The following ATF2 variants were observed in gnomAD, a reference collection of about 807,000 sequenced individuals.
ATF2 encodes the protein cyclic AMP-dependent transcription factor ATF-2.
Under a neutral mutation model 60.6 loss-of-function variants are expected in ATF2, and 24 were observed. That is an observed-to-expected ratio of 0.40 (90% confidence interval 0.29 to 0.56). ATF2 has a LOEUF of 0.56. ATF2 is among the 20% of genes least tolerant of loss of function. ATF2 has a pLI of 0.54. For missense variants in ATF2, 433 were observed against 607.7 expected (o/e 0.71, Z 3.02); for synonymous variants, 206 against 215.4 (o/e 0.96, Z 0.38).
intron 12 of ATF2, among the ~76,000 whole-genome samples, chr2:175,090,902 G>A (rs956603935): frequency 9.2e-5 from 14 of 152,186 alleles, no homozygotes; most frequent in Middle Eastern, 3.4e-3. Flanking sequence ...GAAATAAATG[G>A]AGTCAAGATT....
At chr2:175,120,316 A>G (rs1696866457) in intron 5 of ATF2, among the ~76,000 whole-genome samples, 1 of 151,222 alleles carries the variant, frequency 6.6e-6, no homozygotes, top group South Asian at 2.1e-4. Context: ...AAAAAGCATT[A>G]TCTCACTCTT....
At chr2:175,084,540 T>C (rs1426629356) in intron 12 of ATF2, among the ~76,000 whole-genome samples, 1 of 147,516 alleles carries the variant, frequency 6.8e-6, no homozygotes, top group Non-Finnish European at 1.5e-5. Context: ...ATATACCTAA[T>C]GCTAAATGAC....
intron 1 of ATF2, among the ~76,000 whole-genome samples, chr2:175,157,897 G>A (rs891957813): frequency 2.6e-5 from 4 of 151,962 alleles, no homozygotes; most frequent in Non-Finnish European, 4.4e-5. Flanking sequence ...GAAGGCTAAC[G>A]CAGAGAACTG....
At position 175,097,612 on chromosome 2, in the gene ATF2, T is replaced by TA. The variant is rs760362627; in HGVS notation, c.829-20dup. 1 of 1,611,502 alleles carries TA rather than the reference T, an allele frequency of 6.2e-7. No individual in the cohort carries two copies. The highest frequency in any genetic ancestry group is 1.3e-5 in the African/African-American group (1 of 74,826). On this transcript the variant is annotated intron_variant, in intron 10 of 13. Coordinates refer to ENST00000264110, the MANE Select transcript of ATF2 (RefSeq NM_001880.4). ...TTAATCTCTGCAATGCAAACACCAT[T>TA]AAAAATTTTTTTTAAGTCCTTAAAG...
At chr2:175,165,043 G>T (rs1414886940) in intron 1 of ATF2, among the ~76,000 whole-genome samples, 1 of 152,048 alleles carries the variant, frequency 6.6e-6, no homozygotes, top group Non-Finnish European at 1.5e-5. Flanking sequence ...GGCTGGTCTT[G>T]AACTCCTGAC....
intron 4 of ATF2, among the ~76,000 whole-genome samples, chr2:175,124,498 A>G (rs982351620): frequency 2.2e-4 from 34 of 151,996 alleles, no homozygotes; most frequent in Non-Finnish European, 7.4e-5. Context: ...TATAGTTAAT[A>G]CATACACTCA....
chr2:175,160,373 CCT>C (rs1264933453), intron 1 of ATF2, among the ~76,000 whole-genome samples: 1 of 152,030 alleles, frequency 6.6e-6, no homozygotes, highest in Non-Finnish European at 1.5e-5. Context: ...TGATAGAGAC[CCT>C]GTCTCTAAAA....
At chr2:175,094,426 A>AAAAAAAAAAAAAG (rs1559059455) in intron 11 of ATF2, among the ~76,000 whole-genome samples, 1 of 143,978 alleles carries the variant, frequency 6.9e-6, no homozygotes, top group African/African-American at 2.7e-5. Flanking sequence ...AAAAAAAAAA[A>AAAAAAAAAAAAAG]AAAGAAAGAA....
intron 1 of ATF2, among the ~76,000 whole-genome samples, chr2:175,156,470 A>G (rs1050493197): frequency 6.6e-6 from 1 of 151,510 alleles, no homozygotes; most frequent in South Asian, 2.1e-4. Flanking sequence ...AGACCTCAAG[A>G]GCTGAGAACT....
chr2:175,081,229 G>A (rs1314200719), intron 12 of ATF2, among the ~76,000 whole-genome samples: 1 of 152,028 alleles, frequency 6.6e-6, no homozygotes, highest in East Asian at 1.9e-4. Flanking sequence ...GCTCCACAGG[G>A]GAAACCAAAA....
chr2:175,108,821 G>A (rs1206308724), intron 10 of ATF2, among the ~76,000 whole-genome samples: 2 of 152,202 alleles, frequency 1.3e-5, no homozygotes, highest in Non-Finnish European at 2.9e-5. Context: ...ACTTAGTTCT[G>A]TACTAAGAAA....
At chr2:175,097,965 C>G (rs1037422638) in intron 10 of ATF2, among the ~76,000 whole-genome samples, 3 of 152,142 alleles carry the variant, frequency 2.0e-5, no homozygotes, top group Non-Finnish European at 4.4e-5. Flanking sequence ...TTGGATTGTA[C>G]TGGACTCACA....
At chr2:175,167,229 C>G (rs1574531368) in intron 1 of ATF2, among the ~76,000 whole-genome samples, 1 of 152,104 alleles carries the variant, frequency 6.6e-6, no homozygotes. Context: ...ATAGAAAACA[C>G]GTACACACAC....
At chr2:175,138,673 T>C (rs956826980) in intron 2 of ATF2, among the ~76,000 whole-genome samples, 1 of 152,254 alleles carries the variant, frequency 6.6e-6, no homozygotes, top group Non-Finnish European at 1.5e-5. Context: ...AAATGAATGT[T>C]TGCCTCCTTT....
chr2:175,142,833 A>AGT lies in ATF2; in HGVS notation c.-43-6348_-43-6347insAC, dbSNP rs1221487320. Among the ~76,000 whole-genome samples the AGT allele has an allele frequency of 3.4e-3, 513 of 150,204 alleles. 5 individuals carry two copies. The highest frequency in any genetic ancestry group is 0.022 in the South Asian group (105 of 4,774). On this transcript the variant is annotated intron_variant, in intron 2 of 13. Coordinates refer to ENST00000264110, the MANE Select transcript of ATF2 (RefSeq NM_001880.4). The stretch of plus-strand genomic sequence containing the variant: ...GAGCAACAGCGAGCGAGCAAGAGAG[A>AGT]GAGTGTGTGTGTGTGTCTGTGTGTG...
intron 2 of ATF2, among the ~76,000 whole-genome samples, chr2:175,141,613 C>T (rs962367472): frequency 2.0e-5 from 3 of 152,020 alleles, no homozygotes; most frequent in Admixed American, 2.0e-4. Flanking sequence ...CTGCCTCAGC[C>T]TCCTAAGTAG....
intron 10 of ATF2, among the ~76,000 whole-genome samples, chr2:175,108,284 C>T (rs1177107311): frequency 2.0e-5 from 3 of 151,652 alleles, no homozygotes; most frequent in East Asian, 3.9e-4. Context: ...AAGCCAGGAG[C>T]GTCTCCGTCC....
intron 1 of ATF2, among the ~76,000 whole-genome samples, chr2:175,165,139 T>TC (rs397735396): frequency 6.6e-6 from 1 of 151,680 alleles, no homozygotes; most frequent in Non-Finnish European, 1.5e-5. Flanking sequence ...GGATTTTTTT[T>TC]AGGGTACATT....
intron 1 of ATF2, among the ~76,000 whole-genome samples, chr2:175,162,773 G>A (rs1417678963): frequency 6.6e-6 from 1 of 152,046 alleles, no homozygotes; most frequent in Non-Finnish European, 1.5e-5. Context: ...CAAAAATAAT[G>A]AACACAATTA....
Sources: allele counts gnomAD v4.1 joint callset (sites outside exome capture counted in the v4.1 genomes callset), GRCh38; gene constraint gnomAD v4.1.1; transcripts MANE v1.5; gene names NCBI Gene and HGNC (gene_info 2026-07-23, HGNC 2026-07-21).